Variants in TACC2 observed in about 807,000 individuals in gnomAD.
TACC2 encodes the protein transforming acidic coiled-coil containing protein 2, also known as transforming acidic coiled-coil-containing protein 2.
Under a neutral mutation model 227.3 loss-of-function variants are expected in TACC2, and 137 were observed. That is an observed-to-expected ratio of 0.60 (90% CI 0.52 to 0.69). The LOEUF (loss-of-function observed/expected upper bound fraction) is 0.69. TACC2 is among the 30% of genes least tolerant of loss of function. TACC2 has a pLI of 0.00. For synonymous variants in TACC2, 1,523 were observed against 1,487.5 expected, an observed-to-expected ratio of 1.02 and a Z score of -0.55; for missense variants, 3,470 against 3,694.4, an observed-to-expected ratio of 0.94 and a Z score of 1.57.
chr10:122,178,248 T>C lies in TACC2; in HGVS notation c.5835-16792T>C, dbSNP rs1048811774. On this transcript the variant is annotated intron_variant, in intron 7 of 22. Transcript: ENST00000369005. ...GTTTTTTTCTTTCTTTCTTTTTTTT[T>C]TTTTTTTGAGACAGTCTTGCTCTTG... Among the ~76,000 whole-genome samples, 11 of 151,074 alleles carry C rather than the reference T, an allele frequency of 7.3e-5. No individual in the cohort carries two copies. In the East Asian group the frequency reaches 1.4e-3, roughly 19 times the overall value.
chr10:122,099,438 C>T (rs1003107774), intron 5 of TACC2, among the ~76,000 whole-genome samples: 2 of 152,214 alleles, frequency 1.3e-5, no homozygotes, highest in African/African-American at 4.8e-5. Context: ...GGTACCACCT[C>T]ATGCCTGGCT....
chr10:122,020,206 A>T (rs1957164805), intron 1 of TACC2, among the ~76,000 whole-genome samples: 1 of 152,172 alleles, frequency 6.6e-6, no homozygotes, highest in African/African-American at 2.4e-5. Context: ...TTCTTCTAAC[A>T]CTCAATATTT....
At chr10:122,248,484 C>A in intron 19 of TACC2, 159 bp from the exon 20 acceptor site, 1 of 809,576 alleles carries the variant, frequency 1.2e-6, no homozygotes, top group Non-Finnish European at 2.0e-6. Context: ...TAGAGACAGT[C>A]TGGGAGGGCT....
intron 8 of TACC2, among the ~76,000 whole-genome samples, chr10:122,202,974 G>A (rs893805551): frequency 1.3e-5 from 2 of 151,364 alleles, no homozygotes; most frequent in Non-Finnish European, 2.9e-5. Flanking sequence ...ACAGGGTTGG[G>A]GGTAAGGTCA....
chr10:122,085,062 T>C lies in TACC2; in HGVS notation c.2562T>C (p.Asn854=), dbSNP rs149275566. 4 of 1,613,884 alleles carry C rather than the reference T, an allele frequency of 2.5e-6. No homozygotes were observed. In the African/African-American group the frequency reaches 5.3e-5, roughly 22 times the overall value. The change falls in exon 4 of 23, where the codon AAT becomes AAC. Residue 854 remains asparagine (N), a synonymous_variant. Transcript: ENST00000369005. ...AGGAGCAGGCCCAGCCACCTGAAAA[T>C]GGGAAAGAGACTTCTCCAAGCCATC... ...VLKEQAQPPE[N]GKETSPSHPG... is the part of the protein sequence containing the mutation.
At chr10:122,181,759 T>G (rs1175543091) in intron 7 of TACC2, among the ~76,000 whole-genome samples, 1 of 152,230 alleles carries the variant, frequency 6.6e-6, no homozygotes, top group Non-Finnish European at 1.5e-5. Flanking sequence ...GAGTTGAGGA[T>G]GCTGCATTAT....
At chr10:122,142,582 G>A (rs528189322) in intron 6 of TACC2, among the ~76,000 whole-genome samples, 14 of 152,322 alleles carry the variant, frequency 9.2e-5, no homozygotes, top group Admixed American at 3.3e-4. Flanking sequence ...AGAGGCCCAC[G>A]CACCCTGGAC....
intron 5 of TACC2, among the ~76,000 whole-genome samples, chr10:122,125,171 C>T (rs914503241): frequency 6.6e-6 from 1 of 152,114 alleles, no homozygotes; most frequent in Non-Finnish European, 1.5e-5. Flanking sequence ...TGGAGTAATT[C>T]CTCAGTCTCT....
intron 3 of TACC2, among the ~76,000 whole-genome samples, chr10:122,081,214 T>G (rs2079440965): frequency 6.6e-6 from 1 of 152,084 alleles, no homozygotes. Flanking sequence ...ATATTATTTT[T>G]AAAATTAAAA....
intron 7 of TACC2, among the ~76,000 whole-genome samples, chr10:122,162,596 A>G (rs1007006610): frequency 1.3e-5 from 2 of 152,198 alleles, no homozygotes; most frequent in Non-Finnish European, 2.9e-5. Flanking sequence ...TCCTGTACCT[A>G]TACAGAGATG....
chr10:122,221,739 G>A (rs746806477), intron 11 of TACC2, among the ~76,000 whole-genome samples: 1 of 152,160 alleles, frequency 6.6e-6, no homozygotes, highest in African/African-American at 2.4e-5. Flanking sequence ...ACCCATCGAA[G>A]GGTTTTTATC....
At position 122,163,273 on chromosome 10, in the gene TACC2, C is replaced by G. The variant is rs774103306; in HGVS notation, c.5834+19567C>G. On this transcript the variant is annotated intron_variant, in intron 7 of 22. Transcript: ENST00000369005. ...TCCAGCCATCCCCTTAGTCCTGGGC[C>G]GGGAGAGACCATTTCCTCCTTCCTG... Among the ~76,000 whole-genome samples, 177 of 152,036 alleles carry G rather than the reference C, an allele frequency of 1.2e-3. 1 individual carries two copies. Among genetic ancestry groups the G allele is most frequent in the Non-Finnish European group, 1.4e-3 (93 of 67,996 alleles).
intron 2 of TACC2, among the ~76,000 whole-genome samples, chr10:122,027,825 G>A (rs1958242692): frequency 6.7e-6 from 1 of 150,302 alleles, no homozygotes; most frequent in Non-Finnish European, 1.5e-5. Flanking sequence ...CTCACTGCAA[G>A]CTCCGCCTAC....
rs1295868539 is a variant in TACC2 at position 122,086,126 on chromosome 10, A to T, written c.3626A>T (p.Asp1209Val). ...GGTGGGATTCCCAGGAGCACCATGG[A>T]TTTTTCTACACACCAGGCTGTCCCA... Reference protein sequence around the residue: ...ELGGIPRSTMDFSTHQAVPDP... With the variant: ...ELGGIPRSTMVFSTHQAVPDP... The change falls in exon 4 of 23, where the codon GAT (aspartate) becomes GTT (valine). Residue 1209 changes from aspartate to valine, a missense_variant. By Grantham distance (152) the Asp-to-Val change is radical. Transcript: ENST00000369005. The T allele has an allele frequency of 6.2e-7, 1 of 1,613,356 alleles. No homozygotes were observed. Among genetic ancestry groups the T allele is most frequent in the Non-Finnish European group, 8.5e-7 (1 of 1,179,940 alleles).
chr10:122,228,046 AGGT>A, intron 14 of TACC2, 38 bp downstream of exon 14: 6 of 1,593,834 alleles, frequency 3.8e-6, no homozygotes, highest in Non-Finnish European at 5.1e-6. Flanking sequence ...ACAGGGGATG[AGGT>A]GTGGGCCAGC....
chr10:122,163,430 GC>G, intron 7 of TACC2: 1 of 327,288 alleles, frequency 3.1e-6, no homozygotes, highest in Non-Finnish European at 4.4e-6. Context: ...CACAATGCGG[GC>G]GGTCCCGGCG....
chr10:121,999,254 G>A (rs1169020098), intron 1 of TACC2, among the ~76,000 whole-genome samples: 1 of 152,132 alleles, frequency 6.6e-6, no homozygotes, highest in Admixed American at 6.5e-5. Flanking sequence ...TGATTGGAAT[G>A]GCCATTTCTA....
chr10:122,032,844 A>C (rs1959154025), intron 2 of TACC2, among the ~76,000 whole-genome samples: 1 of 152,160 alleles, frequency 6.6e-6, no homozygotes, highest in Non-Finnish European at 1.5e-5. Flanking sequence ...CTGTAATCCC[A>C]GCAACTTGGG....
At chr10:122,136,121 A>C (rs1022958374) in intron 6 of TACC2, among the ~76,000 whole-genome samples, 1 of 152,166 alleles carries the variant, frequency 6.6e-6, no homozygotes. Context: ...TGGCTGATGA[A>C]AATGCTGTGC....
Sources: allele counts gnomAD v4.1 joint callset (sites outside exome capture counted in the v4.1 genomes callset), GRCh38; gene constraint gnomAD v4.1.1; transcripts MANE v1.5; gene names NCBI Gene and HGNC (gene_info 2026-07-23, HGNC 2026-07-21).